Variants in CSMD2 observed in about 807,000 individuals in gnomAD.
CSMD2 encodes the protein CUB and sushi domain-containing protein 2.
CSMD2 carries 130 observed loss-of-function variants against 398.5 expected under a neutral mutation model. The observed-to-expected ratio is 0.33, with a 90% CI of 0.28 to 0.38. CSMD2 has a LOEUF of 0.38. Among genes scored for constraint, CSMD2 ranks in the 10% least tolerant of loss-of-function variants. The probability of loss-of-function intolerance (pLI) is 1.00; values close to 1 mark genes in which losing one functional copy is unlikely to be tolerated. For missense variants in CSMD2, 3,829 were observed against 4,764.9 expected (o/e 0.80, Z 5.78); for synonymous variants, 1,828 against 1,908.5 (o/e 0.96, Z 1.10).
intron 6 of CSMD2, among the ~76,000 whole-genome samples, chr1:33,837,073 G>A (rs895238774): frequency 1.3e-5 from 2 of 152,162 alleles, no homozygotes; most frequent in Non-Finnish European, 2.9e-5. Flanking sequence ...AGCAATCCCA[G>A]GGAAGCAGTC....
intron 21 of CSMD2, among the ~76,000 whole-genome samples, chr1:33,709,817 T>C (rs1357770220): frequency 6.6e-6 from 1 of 152,042 alleles, no homozygotes; most frequent in African/African-American, 2.4e-5. Context: ...ACAATGATCA[T>C]TTCTGGTTTA....
intron 25 of CSMD2, among the ~76,000 whole-genome samples, chr1:33,680,749 C>T (rs1422233528): frequency 6.6e-6 from 1 of 152,164 alleles, no homozygotes; most frequent in South Asian, 2.1e-4. Flanking sequence ...ACACCTCCAG[C>T]CCCACCCAGG....
chr1:33,574,325 A>G (rs1253142226), intron 49 of CSMD2, among the ~76,000 whole-genome samples: 2 of 152,234 alleles, frequency 1.3e-5, no homozygotes, highest in Admixed American at 1.3e-4. Flanking sequence ...TATAAGGAGT[A>G]GGGTCGACAT....
In CSMD2 at chr1:33,521,485, C is replaced by T. The variant is rs780403208; in HGVS notation, c.10575G>A (p.Gly3525=). 2 of 1,613,000 alleles carry T rather than the reference C, an allele frequency of 1.2e-6. No homozygotes were observed. Among genetic ancestry groups the T allele is most frequent in the Non-Finnish European group, 1.7e-6 (2 of 1,178,982 alleles). The change falls in exon 68 of 71, where the codon GGG becomes GGA. Residue 3525 remains glycine, a synonymous_variant. Coordinates refer to ENST00000373381, the MANE Select transcript of CSMD2 (RefSeq NM_001281956.2). Reference sequence around the variant, plus strand: ...TACCCAGTCTTTGAAAGCCGAACTGCCCAAAGCCTTGGCCCTTGACAGAGC... The same window carrying T: ...TACCCAGTCTTTGAAAGCCGAACTGTCCAAAGCCTTGGCCCTTGACAGAGC... ...YQGSVKGQGF[G]QFGFQRLDLR... is the part of the protein sequence containing the mutation.
At chr1:33,733,968 C>T (rs138101948) in intron 15 of CSMD2, among the ~76,000 whole-genome samples, 138 of 152,300 alleles carry the variant, frequency 9.1e-4, no homozygotes, top group African/African-American at 1.9e-3. Flanking sequence ...ATTTTGGGAA[C>T]GTCAACTCAC....
chr1:33,665,850 G>A (rs1644292716), intron 25 of CSMD2, among the ~76,000 whole-genome samples: 2 of 151,930 alleles, frequency 1.3e-5, no homozygotes, highest in Middle Eastern at 3.2e-3. Context: ...TACTCCCTCC[G>A]TAGCATCTAC....
rs12075936 is a variant in CSMD2, at chr1:34,124,728, A to G, written c.188-35535T>C. On this transcript the variant is annotated intron_variant, in intron 1 of 70. Transcript: ENST00000373381. Reference sequence around the variant, plus strand: ...ACCAAATTGTAACTGTCAGGAACACAACAGAACTGTCAAAAGCAGACAAAA... The same window carrying G: ...ACCAAATTGTAACTGTCAGGAACACGACAGAACTGTCAAAAGCAGACAAAA... 1.8e-3 allele frequency among the ~76,000 whole-genome samples: 273 copies of G among 152,354 alleles called. 1 individual carries two copies. The highest frequency in any genetic ancestry group is 6.2e-3 in the African/African-American group (257 of 41,578).
intron 19 of CSMD2, among the ~76,000 whole-genome samples, chr1:33,720,792 G>A (rs1646334776): frequency 1.3e-5 from 2 of 152,146 alleles, no homozygotes; most frequent in Non-Finnish European, 2.9e-5. Context: ...CTGCCTCCTG[G>A]GTTTAAGCAA....
intron 9 of CSMD2, 123 bp from the exon 10 acceptor site, chr1:33,810,987 G>C: frequency 9.2e-7 from 1 of 1,086,882 alleles, no homozygotes; most frequent in Non-Finnish European, 1.3e-6. Flanking sequence ...ATAACCTTCT[G>C]CTTCCTGGGT....
intron 3 of CSMD2, among the ~76,000 whole-genome samples, chr1:33,975,728 C>T (rs564843477): frequency 5.3e-5 from 8 of 152,230 alleles, no homozygotes; most frequent in Admixed American, 2.0e-4. Flanking sequence ...GCTGGTGCAG[C>T]CTGGTTGGAC....
intron 4 of CSMD2, among the ~76,000 whole-genome samples, chr1:33,927,196 G>A (rs1644157098): frequency 6.6e-6 from 1 of 152,122 alleles, no homozygotes; most frequent in South Asian, 2.1e-4. Flanking sequence ...AAACATGCTG[G>A]GGCCCCCAGA....
At position 34,165,004 on chromosome 1, in the gene CSMD2, C is replaced by G. The variant is rs1641747041; in HGVS notation, c.94G>C (p.Ala32Pro). ...ETGISALVPGAGSRWGRPPPP... is the reference protein window; with the variant it reads ...ETGISALVPGPGSRWGRPPPP... ...GGCGGGCGGCCCCAGCGGCTCCCGG[C>G]GCCCGGCACAAGCGCCGAAATCCCG... Residue 32 changes from alanine to proline, a missense_variant, in exon 1 of 71, where the codon GCC becomes CCC. Coordinates refer to ENST00000373381, the MANE Select transcript of CSMD2 (RefSeq NM_001281956.2). 1.7e-6 allele frequency: 2 copies of G among 1,207,834 alleles called. No individual in the cohort carries two copies. Among genetic ancestry groups the G allele is most frequent in the Admixed American group, 8.8e-5 (2 of 22,732 alleles). 74.8% of individuals were successfully genotyped at this position (1,207,834 alleles called of 1,614,324 possible).
chr1:34,110,448 T>C (rs910942058), intron 1 of CSMD2, among the ~76,000 whole-genome samples: 1 of 151,852 alleles, frequency 6.6e-6, no homozygotes, highest in Non-Finnish European at 1.5e-5. Context: ...AACCTAAATG[T>C]CCATCGATAG....
At chr1:33,817,114 T>A (rs2358508) in intron 9 of CSMD2, among the ~76,000 whole-genome samples, 5 of 151,526 alleles carry the variant, frequency 3.3e-5, no homozygotes, top group Non-Finnish European at 7.4e-5. Flanking sequence ...GAAAACAAAA[T>A]ATTTTAAAAT....
chr1:33,724,710 A>T lies in CSMD2; in HGVS notation c.2696-6T>A. On this transcript the variant is annotated splice_polypyrimidine_tract_variant and splice_region_variant and intron_variant, in intron 17 of 70. Transcript: ENST00000373381. ...GTCTGACTGCAGTGTTATAGCTGAA[A>T]GAGAGAGGCCACAGCTGGGACAGAC... The T allele has an allele frequency of 6.2e-7, 1 of 1,613,354 alleles. No homozygotes were observed. The highest frequency in any genetic ancestry group is 8.5e-7 in the Non-Finnish European group (1 of 1,179,494).
At chr1:33,577,719 A>G (rs1638389275) in intron 48 of CSMD2, among the ~76,000 whole-genome samples, 1 of 152,218 alleles carries the variant, frequency 6.6e-6, no homozygotes, top group South Asian at 2.1e-4. Context: ...AACCAGCTTC[A>G]TGAAGCACTG....
At chr1:34,125,534 T>C (rs1019614220) in intron 1 of CSMD2, among the ~76,000 whole-genome samples, 42 of 149,622 alleles carry the variant, frequency 2.8e-4, no homozygotes, top group Non-Finnish European at 4.3e-4. Context: ...TGTGTGTGTG[T>C]GTGTGTGTGT....
chr1:33,686,649 T>C (rs552171695), intron 25 of CSMD2, among the ~76,000 whole-genome samples: 2 of 152,308 alleles, frequency 1.3e-5, no homozygotes, highest in East Asian at 3.9e-4. Context: ...CTTGCCCAGC[T>C]TGCTGGAGCA....
chr1:33,836,916 C>T (rs747113908), intron 6 of CSMD2, among the ~76,000 whole-genome samples: 20 of 152,210 alleles, frequency 1.3e-4, no homozygotes, highest in Non-Finnish European at 1.2e-4. Context: ...TCCAGTACCT[C>T]AGTTGGAAAT....
Sources: gnomAD v4.1 joint callset for allele counts (sites outside exome capture counted in the v4.1 genomes callset) on GRCh38, gnomAD v4.1.1 for gene constraint, MANE v1.5 for transcripts, NCBI Gene and HGNC (gene_info 2026-07-23, HGNC 2026-07-21) for gene names.